Variants in IL1RAPL1 observed in about 807,000 individuals in gnomAD.
The protein encoded by IL1RAPL1 is interleukin-1 receptor accessory protein-like 1.
IL1RAPL1 carries 3 observed loss-of-function variants against 48.4 expected under a neutral mutation model. The ratio of observed to expected loss-of-function variants is 0.06; its 90% CI spans 0.03 to 0.16. The LOEUF is 0.16. Ranked by LOEUF, IL1RAPL1 falls within the 10% of genes least tolerant of loss-of-function variation. The pLI, the probability that IL1RAPL1 is intolerant of heterozygous loss-of-function variation, is 1.00. For missense variants in IL1RAPL1, 349 were observed against 530.6 expected, an observed-to-expected ratio of 0.66 and a Z score of 3.36; for synonymous variants, 185 against 187.7, an observed-to-expected ratio of 0.99 and a Z score of 0.12.
At chrX:29,490,852 G>GTGTGTA (rs1556022575) in intron 5 of IL1RAPL1, among the ~76,000 whole-genome samples, 3 of 93,661 alleles carry the variant, frequency 3.2e-5, no homozygotes, top group African/African-American at 1.5e-4. Flanking sequence ...GTGTGTGTGT[G>GTGTGTA]TATATATATA....
chrX:29,674,379 T>C (rs1926218800), intron 6 of IL1RAPL1, among the ~76,000 whole-genome samples: 1 of 111,530 alleles, frequency 9.0e-6, no homozygotes. Context: ...TGAGCCATGA[T>C]TGTGCCACTG....
At chrX:29,339,174 T>C (rs187032595) in intron 3 of IL1RAPL1, among the ~76,000 whole-genome samples, 34 of 110,467 alleles carry the variant, frequency 3.1e-4, no homozygotes, top group African/African-American at 1.1e-3. Context: ...ATTGGACAAG[T>C]CTTTTATAAG....
chrX:29,611,905 G>A lies in IL1RAPL1; in HGVS notation c.704-56525G>A, dbSNP rs368188209. Among the ~76,000 whole-genome samples the A allele has an allele frequency of 5.0e-4, 55 of 110,989 alleles. No individual in the cohort carries two copies. The East Asian group carries it at 6.5e-3, about 13-fold the overall frequency. Reference sequence around the variant, plus strand: ...CCTGATCTCCTCTTGGACCGTCCCCGGCCTAACTCCTATTGACATTCAGAC... The same window carrying A: ...CCTGATCTCCTCTTGGACCGTCCCCAGCCTAACTCCTATTGACATTCAGAC... On this transcript the variant is annotated intron_variant, in intron 5 of 10. Transcript: ENST00000378993.
intron 3 of IL1RAPL1, among the ~76,000 whole-genome samples, chrX:29,386,115 C>T (rs191926455): frequency 1.8e-5 from 2 of 111,689 alleles, no homozygotes; most frequent in African/African-American, 3.3e-5. Context: ...CTGCAACCTC[C>T]GCCTCCTGGG....
intron 2 of IL1RAPL1, among the ~76,000 whole-genome samples, chrX:29,238,951 T>G (rs1346451205): frequency 8.9e-6 from 1 of 112,220 alleles, no homozygotes; most frequent in Non-Finnish European, 1.9e-5. Context: ...TAATCACCTC[T>G]TTTCCTTATC....
intron 3 of IL1RAPL1, among the ~76,000 whole-genome samples, chrX:29,296,023 A>G (rs1457632954): frequency 8.9e-6 from 1 of 111,935 alleles, no homozygotes; most frequent in East Asian, 2.8e-4. Context: ...TAAGATAGGG[A>G]TTCCTGTGCA....
At chrX:29,643,696 G>A (rs755751424) in intron 5 of IL1RAPL1, among the ~76,000 whole-genome samples, 3 of 111,421 alleles carry the variant, frequency 2.7e-5, no homozygotes, top group Non-Finnish European at 5.6e-5. Flanking sequence ...GATCCAGTGT[G>A]TTCCACTGCC....
intron 2 of IL1RAPL1, among the ~76,000 whole-genome samples, chrX:29,038,311 G>A (rs987251753): frequency 2.7e-5 from 3 of 111,508 alleles, no homozygotes; most frequent in Non-Finnish European, 5.6e-5. Context: ...AATTCACTGA[G>A]CCTGTTCTAA....
intron 1 of IL1RAPL1, among the ~76,000 whole-genome samples, chrX:28,605,771 G>A (rs752729222): frequency 2.7e-5 from 3 of 111,187 alleles, no homozygotes; most frequent in African/African-American, 6.5e-5. Context: ...TCATTTCCCC[G>A]ACTCATTCTC....
At position 29,523,782 on chromosome X, in the gene IL1RAPL1, T is replaced by G. The variant is rs184141536; in HGVS notation, c.703+124474T>G. 6.3e-4 allele frequency among the ~76,000 whole-genome samples: 70 copies of G among 111,705 alleles called. 1 individual carries two copies. The highest frequency in any genetic ancestry group is 2.1e-3 in the Admixed American group (22 of 10,485). ...GGTAGGCATCATGCATTCCTAAAAT[T>G]GGAGTTGATTTTCTATGATAGTTTA... On this transcript the variant is annotated intron_variant, in intron 5 of 10. Coordinates refer to ENST00000378993, the MANE Select transcript of IL1RAPL1 (RefSeq NM_014271.4).
chrX:28,590,363 C>T (rs777099062), intron 1 of IL1RAPL1, among the ~76,000 whole-genome samples: 63 of 111,215 alleles, frequency 5.7e-4, no homozygotes, highest in Non-Finnish European at 8.7e-4. Flanking sequence ...TTCTCATATT[C>T]CATTTCCTTC....
intron 2 of IL1RAPL1, among the ~76,000 whole-genome samples, chrX:29,202,740 A>G (rs910008279): frequency 1.8e-5 from 2 of 111,924 alleles, no homozygotes; most frequent in Admixed American, 9.5e-5. Context: ...CCATTATCCT[A>G]AGTGAACTAA....
intron 2 of IL1RAPL1, among the ~76,000 whole-genome samples, chrX:28,916,243 A>C (rs1923487422): frequency 9.0e-6 from 1 of 110,984 alleles, no homozygotes; most frequent in South Asian, 3.9e-4. Flanking sequence ...TAATGAGGGC[A>C]CATAACTCCC....
intron 5 of IL1RAPL1, among the ~76,000 whole-genome samples, chrX:29,586,836 G>T (rs1923182957): frequency 1.8e-5 from 2 of 110,876 alleles, no homozygotes; most frequent in Non-Finnish European, 3.8e-5. Flanking sequence ...TAGATATTTT[G>T]TTTGTTAGTA....
At chrX:28,792,615 G>A (rs759640125) in intron 2 of IL1RAPL1, among the ~76,000 whole-genome samples, 1 of 102,362 alleles carries the variant, frequency 9.8e-6, no homozygotes, top group African/African-American at 3.6e-5. Context: ...GTGAAACCCC[G>A]TCTCTACTAA....
chrX:29,805,912 GGAA>G, intron 6 of IL1RAPL1, among the ~76,000 whole-genome samples: 1 of 107,573 alleles, frequency 9.3e-6, no homozygotes, highest in Non-Finnish European at 1.9e-5. Context: ...ATATAAGTAA[GGAA>G]GAAATGTTTA....
At chrX:29,091,437 G>A (rs1238630661) in intron 2 of IL1RAPL1, among the ~76,000 whole-genome samples, 3 of 111,959 alleles carry the variant, frequency 2.7e-5, no homozygotes, top group Admixed American at 1.9e-4. Flanking sequence ...AGACAAAAAC[G>A]TACAGGACTG....
intron 2 of IL1RAPL1, among the ~76,000 whole-genome samples, chrX:29,027,878 A>G (rs775527956): frequency 9.1e-6 from 1 of 110,080 alleles, no homozygotes; most frequent in East Asian, 2.9e-4. Context: ...GCGTTTTTAA[A>G]TTGGATTATT....
intron 5 of IL1RAPL1, among the ~76,000 whole-genome samples, chrX:29,644,060 GAAGTA>G (rs1477657067): frequency 1.8e-5 from 2 of 111,993 alleles, no homozygotes; most frequent in Non-Finnish European, 3.8e-5. Context: ...ATTTTGTAAT[GAAGTA>G]GAGTAAGGTT....
Sources: allele counts gnomAD v4.1 joint callset (sites outside exome capture counted in the v4.1 genomes callset), GRCh38; gene constraint gnomAD v4.1.1; transcripts MANE v1.5; gene names NCBI Gene and HGNC (gene_info 2026-07-23, HGNC 2026-07-21).